Variants in PLEKHA6 observed in about 807,000 individuals in gnomAD.
PLEKHA6 encodes pleckstrin homology domain-containing family A member 6.
PLEKHA6 carries 60 observed loss-of-function variants against 116.7 expected under a neutral mutation model. That is an observed-to-expected ratio of 0.51 (90% CI 0.42 to 0.64). The LOEUF is 0.64. PLEKHA6 is among the 30% of genes least tolerant of loss of function. PLEKHA6 has a pLI of 0.00. For missense variants in PLEKHA6, 1,338 were observed against 1,422.7 expected (o/e 0.94, Z 0.96); for synonymous variants, 489 against 556.1 (o/e 0.88, Z 1.70).
At chr1:204,323,386 T>G (rs1418716390) in intron 1 of PLEKHA6, among the ~76,000 whole-genome samples, 1 of 152,242 alleles carries the variant, frequency 6.6e-6, no homozygotes, top group African/African-American at 2.4e-5. Flanking sequence ...TGAAGCAACC[T>G]GTCCAATAGA....
intron 1 of PLEKHA6, chr1:204,327,005 T>C (rs1672265736): frequency 2.0e-6 from 2 of 985,300 alleles, no homozygotes; most frequent in Non-Finnish European, 2.4e-6. Context: ...TAGTAGGGAT[T>C]TGTGGACAAA....
At chr1:204,291,401 C>A (rs919442722) in intron 1 of PLEKHA6, among the ~76,000 whole-genome samples, 3 of 152,160 alleles carry the variant, frequency 2.0e-5, no homozygotes, top group Non-Finnish European at 4.4e-5. Flanking sequence ...ATGCACCATA[C>A]AACCCATTGA....
At chr1:204,350,790 A>T (rs920304323) in intron 1 of PLEKHA6, among the ~76,000 whole-genome samples, 8 of 152,164 alleles carry the variant, frequency 5.3e-5, no homozygotes, top group Non-Finnish European at 1.2e-4. Flanking sequence ...CGCCCTGTCA[A>T]ATCCCCTAAA....
At chr1:204,373,323 C>T (rs982442454) in intron 1 of PLEKHA6, among the ~76,000 whole-genome samples, 3 of 152,100 alleles carry the variant, frequency 2.0e-5, no homozygotes, top group African/African-American at 7.2e-5. Flanking sequence ...AACTCCTGAC[C>T]TCAAGTGCCT....
chr1:204,264,119 G>A (rs909086472), intron 6 of PLEKHA6, among the ~76,000 whole-genome samples: 2 of 152,196 alleles, frequency 1.3e-5, no homozygotes, highest in African/African-American at 4.8e-5. Flanking sequence ...TCAATTAGGG[G>A]AGAGAGGGCT....
intron 21 of PLEKHA6, among the ~76,000 whole-genome samples, chr1:204,225,894 A>G (rs1433037289): frequency 6.6e-6 from 1 of 152,228 alleles, no homozygotes; most frequent in Non-Finnish European, 1.5e-5. Flanking sequence ...CATTCGCGCC[A>G]CACGTACAAA....
At chr1:204,338,923 T>C (rs1672749487) in intron 1 of PLEKHA6, among the ~76,000 whole-genome samples, 1 of 152,178 alleles carries the variant, frequency 6.6e-6, no homozygotes, top group Admixed American at 6.5e-5. Flanking sequence ...TCTTTGCTGT[T>C]CCCTCCCATT....
At chr1:204,320,619 G>A (rs1180743933) in intron 1 of PLEKHA6, 2 of 284,290 alleles carry the variant, frequency 7.0e-6, no homozygotes, top group African/African-American at 2.3e-5. Context: ...GCCCATGTGG[G>A]GCCCCACAGC....
At chr1:204,236,814 T>A (rs951159157) in intron 17 of PLEKHA6, among the ~76,000 whole-genome samples, 4 of 152,204 alleles carry the variant, frequency 2.6e-5, no homozygotes, top group African/African-American at 9.6e-5. Flanking sequence ...AAGACTAATT[T>A]GAATTATAAA....
At chr1:204,309,101 G>C in intron 1 of PLEKHA6, 1 of 950,076 alleles carries the variant, frequency 1.1e-6, no homozygotes, top group Non-Finnish European at 1.3e-6. Context: ...AGTTTACTTT[G>C]TACAGTGCTC....
intron 21 of PLEKHA6, among the ~76,000 whole-genome samples, chr1:204,227,629 A>G (rs1339340208): frequency 1.3e-5 from 2 of 152,158 alleles, no homozygotes; most frequent in Non-Finnish European, 2.9e-5. Context: ...GGTTGCCCTC[A>G]CTATCTTTTC....
rs1667687982 is a variant in PLEKHA6 at position 204,273,503 on chromosome 1, C to T, written c.102+123G>A. 2.4e-5 allele frequency: 17 copies of T among 712,456 alleles called. 1 individual carries two copies. In the South Asian group the frequency reaches 2.5e-4, roughly 10 times the overall value. The allele number at this position is 712,456 out of a possible 1,614,324, so 44.1% of individuals were successfully genotyped here. Reference sequence around the variant, plus strand: ...CCACTCTCTTCCTGGGTCACCTTGCCTACTCTTGGAGCCTGCAGAAATAGC... The same window carrying T: ...CCACTCTCTTCCTGGGTCACCTTGCTTACTCTTGGAGCCTGCAGAAATAGC... On this transcript the variant is annotated intron_variant, in intron 3 of 22. Coordinates refer to ENST00000272203, the MANE Select transcript of PLEKHA6 (RefSeq NM_014935.5).
At chr1:204,275,017 T>C in intron 1 of PLEKHA6, 1 of 864,760 alleles carries the variant, frequency 1.2e-6, no homozygotes, top group Non-Finnish European at 1.4e-6. Flanking sequence ...TGAAGCCTGG[T>C]CACCTCCCAC....
chr1:204,295,489 C>CAA (rs11422057), intron 1 of PLEKHA6, among the ~76,000 whole-genome samples: 2,550 of 122,088 alleles, frequency 0.021, 73 homozygotes, highest in Admixed American at 0.078. Context: ...GATGCCATCT[C>CAA]AAAAAAAAAA....
At chr1:204,236,614 T>C (rs934066048) in intron 17 of PLEKHA6, among the ~76,000 whole-genome samples, 6 of 152,130 alleles carry the variant, frequency 3.9e-5, no homozygotes, top group Non-Finnish European at 8.8e-5. Flanking sequence ...CACTCAACCA[T>C]CAAAGGCAAG....
intron 15 of PLEKHA6, among the ~76,000 whole-genome samples, chr1:204,244,334 G>A (rs1262713430): frequency 6.6e-6 from 1 of 151,424 alleles, no homozygotes; most frequent in Non-Finnish European, 1.5e-5. Flanking sequence ...GTAAAGATGG[G>A]GTTTCACCAT....
rs79728485 is a variant in PLEKHA6 at position 204,296,188 on chromosome 1, G to A, written c.-94-21379C>T. On this transcript the variant is annotated intron_variant, in intron 1 of 22. Transcript: ENST00000272203. ...AAATTTGTGTGTTAGATATGGCCTT[G>A]GAAGGGGCCAGTGCAAGTGCATCCT... Among the ~76,000 whole-genome samples, 1,161 of 152,256 alleles carry A rather than the reference G, an allele frequency of 7.6e-3. 6 individuals are homozygous for A. The highest frequency in any genetic ancestry group is 0.017 in the Admixed American group (254 of 15,304).
At position 204,228,293 on chromosome 1, in the gene PLEKHA6, C is replaced by T. The variant is rs1571741037; in HGVS notation, c.2886-65G>A. 1 of 1,491,646 alleles carries T rather than the reference C, an allele frequency of 6.7e-7. No homozygotes were observed. Among genetic ancestry groups the T allele is most frequent in the Non-Finnish European group, 9.1e-7 (1 of 1,104,420 alleles). 92.4% of individuals were successfully genotyped at this position (1,491,646 alleles called of 1,614,324 possible). On this transcript the variant is annotated intron_variant, in intron 20 of 22. Coordinates refer to ENST00000272203, the MANE Select transcript of PLEKHA6 (RefSeq NM_014935.5). The surrounding 1 kb of genome is among the most constrained non-coding windows in gnomAD (Gnocchi z 4.0). ...GGATGGTCCAAGTGGCTTGAGGGGG[C>T]CTGCGGACTGAGGTTGGCAGGGAGG...
chr1:204,300,453 T>C (rs540616707), intron 1 of PLEKHA6, among the ~76,000 whole-genome samples: 3 of 152,340 alleles, frequency 2.0e-5, no homozygotes, highest in South Asian at 2.1e-4. Flanking sequence ...TTGGCTCTCA[T>C]AGCCCCGACA....
Sources: allele counts gnomAD v4.1 joint callset (sites outside exome capture counted in the v4.1 genomes callset), GRCh38; gene constraint gnomAD v4.1.1; non-coding constraint Gnocchi (gnomAD v3.1); transcripts MANE v1.5; gene names NCBI Gene and HGNC (gene_info 2026-07-23, HGNC 2026-07-21).